The following THEMIS variants were observed in gnomAD, a reference collection of about 807,000 sequenced individuals.
THEMIS encodes the protein thymocyte selection associated.
Under a neutral mutation model 52.6 loss-of-function variants are expected in THEMIS, and 37 were observed. That is an observed-to-expected ratio of 0.70 (90% CI 0.54 to 0.93). The LOEUF (loss-of-function observed/expected upper bound fraction) is 0.93, where lower values mean the gene tolerates loss of function less well. THEMIS is among the 40% of genes least tolerant of loss of function. The pLI is 0.00. For synonymous variants in THEMIS, 292 were observed against 272.7 expected, an observed-to-expected ratio of 1.07 and a Z score of -0.70; for missense variants, 808 against 763.1, an observed-to-expected ratio of 1.06 and a Z score of -0.69.
At chr6:127,809,312 C>T (rs1583301055) in intron 4 of THEMIS, among the ~76,000 whole-genome samples, 1 of 151,786 alleles carries the variant, frequency 6.6e-6, no homozygotes, top group East Asian at 1.9e-4. Context: ...TCAAAAGAAA[C>T]ATAAAAGGAA....
intron 1 of THEMIS, among the ~76,000 whole-genome samples, chr6:127,882,917 G>A (rs992267214): frequency 1.3e-5 from 2 of 151,804 alleles, no homozygotes; most frequent in Non-Finnish European, 3.0e-5. Flanking sequence ...CATTAAAGTA[G>A]GCATGATTTT....
At chr6:127,811,841 T>G (rs1777917951) in intron 4 of THEMIS, among the ~76,000 whole-genome samples, 1 of 152,312 alleles carries the variant, frequency 6.6e-6, no homozygotes, top group South Asian at 2.1e-4. Context: ...CTTTCAAAAC[T>G]GTTTGTCTGG....
At chr6:127,858,932 G>A (rs896688576) in intron 1 of THEMIS, among the ~76,000 whole-genome samples, 4 of 152,138 alleles carry the variant, frequency 2.6e-5, no homozygotes, top group South Asian at 4.2e-4. Context: ...CACCTTTTCT[G>A]TAATGCTACT....
At chr6:127,861,120 G>C (rs1779783459) in intron 1 of THEMIS, among the ~76,000 whole-genome samples, 1 of 152,056 alleles carries the variant, frequency 6.6e-6, no homozygotes. Context: ...CCCTCAAAAT[G>C]ACATAAATAA....
downstream of THEMIS, chr6:127,708,068 T>C (rs1029504166): frequency 1.5e-4 from 22 of 151,430 alleles, no homozygotes; most frequent in African/African-American, 5.4e-4. Flanking sequence ...TCCCTCCTCA[T>C]GGCTTTTTTA....
chr6:127,741,796 A>C (rs1010693659), intron 4 of THEMIS, among the ~76,000 whole-genome samples: 2 of 152,244 alleles, frequency 1.3e-5, no homozygotes, highest in African/African-American at 4.8e-5. Flanking sequence ...CTCAGGCTAG[A>C]TATAAGAGAA....
intron 4 of THEMIS, among the ~76,000 whole-genome samples, chr6:127,726,876 T>G (rs180934214): frequency 2.1e-3 from 316 of 152,300 alleles, no homozygotes; most frequent in African/African-American, 7.3e-3. Flanking sequence ...AAAGACGAAA[T>G]GAAGATTTGA....
intron 4 of THEMIS, among the ~76,000 whole-genome samples, chr6:127,779,022 A>T (rs562707798): frequency 6.6e-6 from 1 of 152,114 alleles, no homozygotes; most frequent in Admixed American, 6.6e-5. Flanking sequence ...AGTTGTTACA[A>T]CATTATCTCT....
At chr6:127,755,375 GA>G (rs1386754792) in intron 4 of THEMIS, among the ~76,000 whole-genome samples, 1 of 152,144 alleles carries the variant, frequency 6.6e-6, no homozygotes, top group African/African-American at 2.4e-5. Context: ...AAGAATCAAT[GA>G]ACAAGAATTG....
At chr6:127,874,176 G>C (rs1005806864) in intron 1 of THEMIS, among the ~76,000 whole-genome samples, 2 of 152,214 alleles carry the variant, frequency 1.3e-5, no homozygotes, top group Non-Finnish European at 1.5e-5. Flanking sequence ...CTCAAAAGGA[G>C]ATGATTAGTG....
At chr6:127,902,398 G>A (rs1242625856), upstream of THEMIS, among the ~76,000 whole-genome samples, 1 of 151,110 alleles carries the variant, frequency 6.6e-6, no homozygotes, top group African/African-American at 2.4e-5. Flanking sequence ...GAATCTACAC[G>A]TTTTCTTTAG....
rs1562233074 is a variant in THEMIS, at chr6:127,749,037, A to C, written c.1759-29214T>G. Among the ~76,000 whole-genome samples, 3 of 152,080 alleles carry C rather than the reference A, an allele frequency of 2.0e-5. No individual in the cohort carries two copies. The East Asian group carries it at 5.8e-4, about 29-fold the overall frequency. ...TAAGATGAACTTTAAGGTCTCATTT[A>C]GTTTAACATTCCACAATTCTTCATG... is the stretch of plus-strand genomic sequence containing the variant. On this transcript the variant is annotated intron_variant, in intron 4 of 5. Coordinates refer to ENST00000368248, the MANE Select transcript of THEMIS (RefSeq NM_001010923.3).
chr6:127,885,351 A>C (rs1193116553), intron 1 of THEMIS, among the ~76,000 whole-genome samples: 1 of 152,106 alleles, frequency 6.6e-6, no homozygotes, highest in African/African-American at 2.4e-5. Context: ...TCCTAGCAAA[A>C]TTATTACTAC....
chr6:127,706,499 A>T (rs746005123), downstream of THEMIS, among the ~76,000 whole-genome samples: 4 of 152,110 alleles, frequency 2.6e-5, no homozygotes, highest in Non-Finnish European at 5.9e-5. Flanking sequence ...GCAAACACAT[A>T]TTGAGTGCCA....
intron 1 of THEMIS, among the ~76,000 whole-genome samples, chr6:127,910,312 C>A (rs1008187005): frequency 6.6e-6 from 1 of 152,088 alleles, no homozygotes; most frequent in African/African-American, 2.4e-5. Context: ...ATTTTGTAAG[C>A]TCATTGTCTT....
chr6:127,862,822 A>T (rs1481034816), intron 1 of THEMIS, among the ~76,000 whole-genome samples: 3 of 152,110 alleles, frequency 2.0e-5, no homozygotes, highest in African/African-American at 7.2e-5. Context: ...TGTCCCTCTC[A>T]TCACTAATCA....
chr6:127,843,350 T>C (rs752683858), intron 2 of THEMIS, among the ~76,000 whole-genome samples: 9 of 151,942 alleles, frequency 5.9e-5, no homozygotes, highest in Non-Finnish European at 1.3e-4. Flanking sequence ...TTCATATCTG[T>C]TATTTCCAAT....
chr6:127,900,807 T>A lies in THEMIS; in HGVS notation c.91+35A>T, dbSNP rs372627173. ...TTCAAAAATGTATACTTTACAAGAA[T>A]GTTCTAGCCAGTAAAGGTATTGGAG... On this transcript the variant is annotated intron_variant, in intron 1 of 5. Transcript: ENST00000368248. The A allele has an allele frequency of 5.8e-6, 9 of 1,563,576 alleles. No homozygotes were observed. In the African/African-American group the frequency reaches 1.2e-4, roughly 21 times the overall value.
intron 3 of THEMIS, among the ~76,000 whole-genome samples, chr6:127,826,195 A>T (rs530199443): frequency 3.9e-5 from 6 of 152,180 alleles, no homozygotes; most frequent in Non-Finnish European, 8.8e-5. Flanking sequence ...AGAAGAGCAG[A>T]ATATGAGGAA....
Sources: gnomAD v4.1 joint callset for allele counts (sites outside exome capture counted in the v4.1 genomes callset) on GRCh38, gnomAD v4.1.1 for gene constraint, MANE v1.5 for transcripts, NCBI Gene and HGNC (gene_info 2026-07-23, HGNC 2026-07-21) for gene names.